The following ASAH1 variants were observed in gnomAD, a reference collection of about 807,000 sequenced individuals.
ASAH1 encodes the protein acid ceramidase.
Under a neutral mutation model 59.5 loss-of-function variants are expected in ASAH1, and 70 were observed. That is an observed-to-expected ratio of 1.18 (90% CI 0.97 to 1.43). The LOEUF (loss-of-function observed/expected upper bound fraction) is 1.43, where lower values mean the gene tolerates loss of function less well. Among genes scored for constraint, ASAH1 ranks in the 40% most tolerant of loss-of-function variants. The pLI is 0.00. For synonymous variants in ASAH1, 213 were observed against 166.5 expected (o/e 1.28, Z -2.15); for missense variants, 660 against 482.5 (o/e 1.37, Z -3.45).
rs1279298630 is a variant in ASAH1, at chr8:18,056,129, T to A, written c.*1405A>T. The A allele has an allele frequency of 6.6e-6, 1 of 152,328 alleles. No homozygotes were observed. The highest frequency in any genetic ancestry group is 1.9e-4 in the East Asian group (1 of 5,186). The allele number at this position is 152,328 out of a possible 1,614,324, so 9.4% of individuals were successfully genotyped here. A position where few individuals can be genotyped will look rare whatever the true frequency, so the allele number is the denominator to read the frequency against. On this transcript the variant is annotated 3_prime_UTR_variant, in exon 14 of 14. Transcript: ENST00000637790. ...TTTTTTTTTCATTAATTAAATCCTA[T>A]TTTAATGTAAATCCTCTTATAATTC...
intron 4 of ASAH1, chr8:18,069,452 C>G (rs544098936): frequency 4.5e-6 from 1 of 222,386 alleles, no homozygotes; most frequent in Non-Finnish European, 9.0e-6. Flanking sequence ...AAAAAAAAAT[C>G]TCTGGATGTC....
At chr8:18,063,388 C>T in intron 6 of ASAH1, 158 bp from the exon 7 acceptor site, 1 of 695,496 alleles carries the variant, frequency 1.4e-6, no homozygotes, top group South Asian at 1.6e-5. Flanking sequence ...ACTGCGACCT[C>T]TGCCTCCCAG....
chr8:18,081,801 C>T (rs1800666870), intron 1 of ASAH1, among the ~76,000 whole-genome samples: 1 of 152,176 alleles, frequency 6.6e-6, no homozygotes. Context: ...CATATAATGA[C>T]TCCAGTTGAA....
chr8:18,068,931 G>A (rs1429162356), intron 4 of ASAH1, among the ~76,000 whole-genome samples: 3 of 152,128 alleles, frequency 2.0e-5, no homozygotes, highest in Non-Finnish European at 4.4e-5. Flanking sequence ...CTGAGCCCAG[G>A]AGTTGGGAGA....
intron 1 of ASAH1, 75 bp from the exon 2 acceptor site, chr8:18,075,662 T>C: frequency 2.9e-6 from 4 of 1,386,014 alleles, no homozygotes; most frequent in Non-Finnish European, 4.1e-6. Context: ...CAAAAGTAGT[T>C]AATCTGTGAA....
chr8:18,074,742 C>A (rs1257583256), intron 2 of ASAH1, among the ~76,000 whole-genome samples: 1 of 152,168 alleles, frequency 6.6e-6, no homozygotes, highest in Non-Finnish European at 1.5e-5. Context: ...ATGTTAAACA[C>A]ACTGAATCAT....
chr8:18,084,024 A>G lies in ASAH1; in HGVS notation c.35T>C (p.Leu12Pro). 1 of 1,598,404 alleles carries G rather than the reference A, an allele frequency of 6.3e-7. No individual in the cohort carries two copies. Among genetic ancestry groups the G allele is most frequent in the Non-Finnish European group, 8.5e-7 (1 of 1,179,632 alleles). ...GACGGCACAGCTGACGGCGGCAGCC[A>G]GGAGGACTAAGGCGACGCAACTCCG... The part of the protein sequence containing the change: ...PGRSCVALVL[L>P]AAAVSCAVAQ... Residue 12 changes from leucine (L) to proline (P), a missense_variant, in exon 1 of 14, where the codon CTG (leucine) becomes CCG (proline). By Grantham distance (98) the Leu-to-Pro change is moderately conservative. Transcript: ENST00000637790.
At chr8:18,079,478 T>C (rs1800559575) in intron 1 of ASAH1, among the ~76,000 whole-genome samples, 1 of 149,450 alleles carries the variant, frequency 6.7e-6, no homozygotes, top group South Asian at 2.1e-4. Context: ...CATTAAGGTC[T>C]CAATGAAAGC....
At chr8:18,073,443 A>G (rs569816258) in intron 2 of ASAH1, among the ~76,000 whole-genome samples, 1 of 152,322 alleles carries the variant, frequency 6.6e-6, no homozygotes, top group East Asian at 1.9e-4. Context: ...TATCAGCAAC[A>G]TCACCTGAAC....
In ASAH1 at chr8:18,061,441, G is replaced by C; in HGVS notation, c.721C>G (p.Leu241Val). The C allele has an allele frequency of 6.2e-7, 1 of 1,612,538 alleles. No homozygotes were observed. Among genetic ancestry groups the C allele is most frequent in the Non-Finnish European group, 8.5e-7 (1 of 1,178,558 alleles). Residue 241 changes from leucine (L) to valine (V), a missense_variant, in exon 10 of 14, where the codon CTG becomes GTG. Physicochemically the swap from Leu to Val is conservative, Grantham distance 32. Coordinates refer to ENST00000637790, the MANE Select transcript of ASAH1 (RefSeq NM_177924.5). ...ATCCACATGACATCTTTCTTTCCCA[G>C]AATCCATTCTAGAATACCTGGAAGA... ...GGYLGILEWI[L>V]GKKDVMWIGF...
chr8:18,062,965 G>A (rs535980323), intron 7 of ASAH1: 78 of 519,258 alleles, frequency 1.5e-4, no homozygotes, highest in African/African-American at 1.5e-3. Context: ...CCGCCTCGCA[G>A]GTTCAAAAAA....
chr8:18,071,448 T>G (rs1461571221), intron 2 of ASAH1, 58 bp from the exon 3 acceptor site: 1 of 1,093,340 alleles, frequency 9.1e-7, no homozygotes, highest in Admixed American at 2.0e-5. Context: ...GAGGGTCAGT[T>G]AGATACATCT....
In ASAH1 at chr8:18,063,192, A is replaced by G. The variant is rs752848618; in HGVS notation, c.496T>C (p.Phe166Leu). The stretch of plus-strand genomic sequence containing the variant: ...CCTTTGTTCTTTACTTACCCAAGAA[A>G]TACTCCAAAATCCATGTTTCTCCCA... ...IHGRNMDFGVFLGWNINNDTW... is the reference protein window; with the variant it reads ...IHGRNMDFGVLLGWNINNDTW... The change falls in exon 7 of 14, where the codon TTT becomes CTT. Residue 166 changes from phenylalanine (F) to leucine (L), a missense_variant. Coordinates refer to ENST00000637790, the MANE Select transcript of ASAH1 (RefSeq NM_177924.5). 1.2e-6 allele frequency: 2 copies of G among 1,613,950 alleles called. No homozygotes were observed. The highest frequency in any genetic ancestry group is 1.7e-6 in the Non-Finnish European group (2 of 1,179,848).
intron 4 of ASAH1, 59 bp downstream of exon 4, chr8:18,069,733 T>C: frequency 4.7e-6 from 6 of 1,281,486 alleles, no homozygotes; most frequent in Non-Finnish European, 6.8e-6. Flanking sequence ...TGCCTTTAAA[T>C]AAATAACAGC....
chr8:18,064,492 G>C lies in ASAH1; in HGVS notation c.422C>G (p.Thr141Ser). 6.3e-7 allele frequency: 1 copy of C among 1,580,744 alleles called. No individual in the cohort carries two copies. The highest frequency in any genetic ancestry group is 8.7e-7 in the Non-Finnish European group (1 of 1,152,360). The change falls in exon 6 of 14, where the codon ACC becomes AGC. Residue 141 changes from threonine to serine, a missense_variant. Transcript: ENST00000637790. Reference protein sequence around the residue: ...ISFNIFYELFTICTSIVAEDK... With the variant: ...ISFNIFYELFSICTSIVAEDK... ...TTCTGCTACTATTGAAGTACAAATGGTAAATAATTCATAAAAAATATTGAA... is the reference window on the plus strand; with the variant it reads ...TTCTGCTACTATTGAAGTACAAATGCTAAATAATTCATAAAAAATATTGAA...
intron 8 of ASAH1, chr8:18,061,988 C>A (rs1799723109): frequency 3.2e-6 from 2 of 619,904 alleles, no homozygotes; most frequent in Non-Finnish European, 5.6e-6. Flanking sequence ...AGAATGAACG[C>A]CTGACTTGCC....
At chr8:18,077,460 C>T (rs1800454226) in intron 1 of ASAH1, among the ~76,000 whole-genome samples, 1 of 152,152 alleles carries the variant, frequency 6.6e-6, no homozygotes, top group South Asian at 2.1e-4. Flanking sequence ...ACATCCTCGC[C>T]TGTAGTTGTT....
At chr8:18,059,069 C>A (rs563008570) in intron 12 of ASAH1, 178 bp from the exon 13 acceptor site, 32 of 661,788 alleles carry the variant, frequency 4.8e-5, no homozygotes, top group Non-Finnish European at 7.0e-5. Context: ...TAATGGATTA[C>A]TTTCCTCTCT....
rs544762286 is a variant in ASAH1, at chr8:18,071,222, T to C, written c.216+78A>G. 2.3e-5 allele frequency: 18 copies of C among 792,518 alleles called. No individual in the cohort carries two copies. In the African/African-American group the frequency reaches 2.9e-4, roughly 13 times the overall value. The allele number at this position is 792,518 out of a possible 1,614,324, so 49.1% of individuals were successfully genotyped here. A position where few individuals can be genotyped will look rare whatever the true frequency, so the allele number is the denominator to read the frequency against. On this transcript the variant is annotated intron_variant, in intron 3 of 13. Transcript: ENST00000637790. ...ACTCTGTCTCAAAACAAAAAAAAAA[T>C]CAATCAATAAATAAAAATAAAGAAA...
Sources: allele counts gnomAD v4.1 joint callset (sites outside exome capture counted in the v4.1 genomes callset), GRCh38; gene constraint gnomAD v4.1.1; transcripts MANE v1.5; gene names NCBI Gene and HGNC (gene_info 2026-07-23, HGNC 2026-07-21).